The following DNAH1 variants were observed in gnomAD, a reference collection of about 807,000 sequenced individuals.
The protein encoded by DNAH1 is axonemal beta dynein heavy chain 1.
Under a neutral mutation model 484.3 loss-of-function variants are expected in DNAH1, and 327 were observed. That is an observed-to-expected ratio of 0.68 (90% CI 0.62 to 0.74). The LOEUF is 0.74. Among genes scored for constraint, DNAH1 ranks in the 30% least tolerant of loss-of-function variants. The probability of loss-of-function intolerance (pLI) is 0.00; values close to 1 mark genes in which losing one functional copy is unlikely to be tolerated. For synonymous variants in DNAH1, 2,192 were observed against 2,191.9 expected (o/e 1.00, Z 0.00); for missense variants, 5,052 against 5,546.8 (o/e 0.91, Z 2.83).
chr3:52,391,436 A>T lies in DNAH1; in HGVS notation c.9892-7A>T. 1 of 1,607,360 alleles carries T rather than the reference A, an allele frequency of 6.2e-7. No homozygotes were observed. Among genetic ancestry groups the T allele is most frequent in the Non-Finnish European group, 8.5e-7 (1 of 1,176,958 alleles). ...GCCACAGTACCCACCGGTCCCACCC[A>T]CCACAGACGTACAAGCAGCAGGGAA... is the stretch of plus-strand genomic sequence containing the variant. On this transcript the variant is annotated splice_polypyrimidine_tract_variant and splice_region_variant and intron_variant, in intron 62 of 77. Coordinates refer to ENST00000420323, the MANE Select transcript of DNAH1 (RefSeq NM_015512.5).
chr3:52,361,132 C>G lies in DNAH1; in HGVS notation c.4686-32C>G. On this transcript the variant is annotated intron_variant, in intron 28 of 77. Coordinates refer to ENST00000420323, the MANE Select transcript of DNAH1 (RefSeq NM_015512.5). The surrounding 1 kb of genome is among the most constrained non-coding windows in gnomAD (Gnocchi z 5.6). Reference sequence around the variant, plus strand: ...AAAGGGGGAGTGTCCAGGCCATGTGCGGCCCGAGCCCACCTCCTCTGTCTC... The same window carrying G: ...AAAGGGGGAGTGTCCAGGCCATGTGGGGCCCGAGCCCACCTCCTCTGTCTC... 1 of 1,497,176 alleles carries G rather than the reference C, an allele frequency of 6.7e-7. No individual in the cohort carries two copies. Among genetic ancestry groups the G allele is most frequent in the Non-Finnish European group, 8.9e-7 (1 of 1,124,166 alleles). The allele number at this position is 1,497,176 out of a possible 1,614,324, so 92.7% of individuals were successfully genotyped here. A position where few individuals can be genotyped will look rare whatever the true frequency, so the allele number is the denominator to read the frequency against.
chr3:52,399,395 C>A, intron 76 of DNAH1, 150 bp from the exon 77 acceptor site: 2 of 920,702 alleles, frequency 2.2e-6, no homozygotes, highest in Non-Finnish European at 3.3e-6. Flanking sequence ...GGGCAGGGCA[C>A]AGACCACAGG....
intron 34 of DNAH1, among the ~76,000 whole-genome samples, chr3:52,366,127 C>A (rs1559535352): frequency 6.6e-6 from 1 of 152,216 alleles, no homozygotes; most frequent in South Asian, 2.1e-4. Flanking sequence ...GGGTGGTGCT[C>A]TCAGCAGGCT....
chr3:52,394,330 G>A (rs1285238578), intron 66 of DNAH1, 135 bp from the exon 67 acceptor site: 3 of 845,030 alleles, frequency 3.6e-6, no homozygotes, highest in Admixed American at 2.7e-5. Context: ...ACCCAGACCT[G>A]TTTGACTACC....
Position 52,322,448 on chromosome 3 carries a change from G to A in DNAH1, c.6G>A (p.Glu2=), listed in dbSNP as rs747132091. The change falls in exon 2 of 78, where the codon GAG becomes GAA. Residue 2 remains glutamate, a synonymous_variant. Transcript: ENST00000420323. M[E]QPNSKGYSLG... is the part of the protein sequence containing the mutation. ...GCATCTCCCTGAGAAGCAGCATGGAGCAGCCTAACAGTAAAGGCTATAGCC... is the reference window on the plus strand; with the variant it reads ...GCATCTCCCTGAGAAGCAGCATGGAACAGCCTAACAGTAAAGGCTATAGCC... 8.7e-6 allele frequency: 14 copies of A among 1,606,286 alleles called. No homozygotes were observed. The Admixed American group carries it at 2.3e-4, about 26-fold the overall frequency.
Position 52,375,364 on chromosome 3 carries a change from C to T in DNAH1, c.7110C>T (p.Asp2370=), listed in dbSNP as rs762489221. 11 of 1,613,526 alleles carry T rather than the reference C, an allele frequency of 6.8e-6. No individual in the cohort carries two copies. The highest frequency in any genetic ancestry group is 3.3e-5 in the South Asian group (3 of 90,964). Residue 2370 remains aspartate, a synonymous_variant, in exon 45 of 78, where the codon GAC becomes GAT. Coordinates refer to ENST00000420323, the MANE Select transcript of DNAH1 (RefSeq NM_015512.5). ...ACTACCTGTCTTTCGCTGAGATGGA[C>T]GAGGTCAGCAAGAAACGCATCTTCT... ...HFNYLSFAEM[D]EVSKKRIFST...
chr3:52,351,958 C>G lies in DNAH1; in HGVS notation c.2730-4C>G. On this transcript the variant is annotated splice_polypyrimidine_tract_variant and splice_region_variant and intron_variant, in intron 16 of 77. Transcript: ENST00000420323. ...CTCCCAATCCCCACCCCCATCCCGG[C>G]CAGATGGATTGCCAGCAACTGGCCT... 1 of 1,600,082 alleles carries G rather than the reference C, an allele frequency of 6.2e-7. No homozygotes were observed. Among genetic ancestry groups the G allele is most frequent in the African/African-American group, 1.3e-5 (1 of 74,698 alleles).
intron 1 of DNAH1, among the ~76,000 whole-genome samples, chr3:52,317,094 T>C (rs1202928698): frequency 6.6e-6 from 1 of 152,254 alleles, no homozygotes; most frequent in African/African-American, 2.4e-5. Context: ...CTTACCTATA[T>C]GTATAATTTT....
chr3:52,395,183 C>T lies in DNAH1; in HGVS notation c.10968+124C>T. On this transcript the variant is annotated intron_variant, in intron 68 of 77. Coordinates refer to ENST00000420323, the MANE Select transcript of DNAH1 (RefSeq NM_015512.5). The surrounding 1 kb of genome is among the most constrained non-coding windows in gnomAD (Gnocchi z 4.4). ...AGGACCCCTGCTTGCTCCCTAAAGG[C>T]TCTGAGGTTCCAGCCCCCACCAGGA... 1 of 1,492,180 alleles carries T rather than the reference C, an allele frequency of 6.7e-7. No homozygotes were observed. The highest frequency in any genetic ancestry group is 2.5e-5 in the East Asian group (1 of 40,716). 92.4% of individuals were successfully genotyped at this position (1,492,180 alleles called of 1,614,324 possible). A position where few individuals can be genotyped will look rare whatever the true frequency, so the allele number is the denominator to read the frequency against.
Position 52,351,957 on chromosome 3 carries a change from G to A in DNAH1, c.2730-5G>A, listed in dbSNP as rs1453150511. ...TCTCCCAATCCCCACCCCCATCCCG[G>A]CCAGATGGATTGCCAGCAACTGGCC... On this transcript the variant is annotated splice_polypyrimidine_tract_variant and splice_region_variant and intron_variant, in intron 16 of 77. Coordinates refer to ENST00000420323, the MANE Select transcript of DNAH1 (RefSeq NM_015512.5). 9 of 1,599,488 alleles carry A rather than the reference G, an allele frequency of 5.6e-6. No homozygotes were observed. The highest frequency in any genetic ancestry group is 7.7e-6 in the Non-Finnish European group (9 of 1,173,464).
In DNAH1 at chr3:52,361,844, G is replaced by C; in HGVS notation, c.4980+78G>C. On this transcript the variant is annotated intron_variant, in intron 30 of 77. Transcript: ENST00000420323. The surrounding 1 kb of genome is among the most constrained non-coding windows in gnomAD (Gnocchi z 5.6). ...CATACTGCTCCCCATTGCAGGCTGA[G>C]AAGCCAGGCGCTAAGGTCCACCCTG... The C allele has an allele frequency of 6.9e-7, 1 of 1,450,938 alleles. No homozygotes were observed. The highest frequency in any genetic ancestry group is 1.3e-5 in the South Asian group (1 of 79,588). 89.9% of individuals were successfully genotyped at this position (1,450,938 alleles called of 1,614,324 possible).
At chr3:52,393,651 C>T (rs752791440) in intron 66 of DNAH1, among the ~76,000 whole-genome samples, 166 bp downstream of exon 66, 3 of 152,212 alleles carry the variant, frequency 2.0e-5, no homozygotes, top group Non-Finnish European at 4.4e-5. Flanking sequence ...GGCACGGTGA[C>T]TCATGCCTGC....
chr3:52,326,231 C>G lies in DNAH1; in HGVS notation c.498C>G (p.Phe166Leu). 6.2e-7 allele frequency: 1 copy of G among 1,613,194 alleles called. No homozygotes were observed. The highest frequency in any genetic ancestry group is 8.5e-7 in the Non-Finnish European group (1 of 1,179,690). Residue 166 changes from phenylalanine (F) to leucine (L), a missense_variant, in exon 4 of 78, where the codon TTC becomes TTG. Phe to Leu is a conservative substitution (Grantham distance 22, BLOSUM62 0). This residue lies in a region of DNAH1 where 1,263 missense variants were observed against 1,218.8 expected (regional missense o/e 1.04). Transcript: ENST00000420323. ...STTRLLAQTDFPLQAYEPKMQ... is the reference protein window; with the variant it reads ...STTRLLAQTDLPLQAYEPKMQ... ...CCCGGCTGCTCGCCCAGACTGACTTCCCACTGCAGGCCTACGAGCCCAAGA... is the reference window on the plus strand; with the variant it reads ...CCCGGCTGCTCGCCCAGACTGACTTGCCACTGCAGGCCTACGAGCCCAAGA...
At chr3:52,392,722 G>A in intron 64 of DNAH1, 33 bp downstream of exon 64, 6 of 1,562,500 alleles carry the variant, frequency 3.8e-6, no homozygotes, top group Non-Finnish European at 5.2e-6. Flanking sequence ...ACCTGCCCCG[G>A]GAGTGCCCCG....
At position 52,395,201 on chromosome 3, in the gene DNAH1, C is replaced by A. The variant is rs1165225538; in HGVS notation, c.10969-107C>A. 3.3e-6 allele frequency: 5 copies of A among 1,493,358 alleles called. No individual in the cohort carries two copies. Among genetic ancestry groups the A allele is most frequent in the Non-Finnish European group, 4.5e-6 (5 of 1,111,644 alleles). The allele number at this position is 1,493,358 out of a possible 1,614,324, so 92.5% of individuals were successfully genotyped here. A position where few individuals can be genotyped will look rare whatever the true frequency, so the allele number is the denominator to read the frequency against. The stretch of plus-strand genomic sequence containing the variant: ...CTAAAGGCTCTGAGGTTCCAGCCCC[C>A]ACCAGGAAGCCCACTGGGGACCACT... On this transcript the variant is annotated intron_variant, in intron 68 of 77. Coordinates refer to ENST00000420323, the MANE Select transcript of DNAH1 (RefSeq NM_015512.5). This position sits in a 1 kb window ranked among gnomAD's most constrained non-coding sequence, Gnocchi z 4.4.
rs189852410 is a variant in DNAH1 at position 52,349,971 on chromosome 3, G to T, written c.2527-18G>T. On this transcript the variant is annotated intron_variant, in intron 14 of 77. Transcript: ENST00000420323. ...GGAGCAGCATGCTGCCCTCCCCAGCGCCTCCTCCCACTGCCAGATCTGCGA... is the reference window on the plus strand; with the variant it reads ...GGAGCAGCATGCTGCCCTCCCCAGCTCCTCCTCCCACTGCCAGATCTGCGA... The T allele has an allele frequency of 1.9e-4, 303 of 1,595,806 alleles. 1 individual carries two copies. In the Admixed American group the frequency reaches 5.2e-3, roughly 27 times the overall value.
intron 1 of DNAH1, among the ~76,000 whole-genome samples, chr3:52,320,800 CTTTT>C (rs556409465): frequency 6.4e-5 from 8 of 125,052 alleles, no homozygotes; most frequent in Non-Finnish European, 8.2e-5. Flanking sequence ...TCTTTCTTTC[CTTTT>C]TTTTTTTTTT....
chr3:52,392,477 C>T lies in DNAH1; in HGVS notation c.10066C>T (p.Gln3356Ter). The change falls in exon 64 of 78, where the codon CAG becomes TAG. Residue 3356 changes from glutamine to a stop codon, truncating the protein, a stop_gained. Coordinates refer to ENST00000420323, the MANE Select transcript of DNAH1 (RefSeq NM_015512.5). LOFTEE classifies it high-confidence loss of function. ...TGCCCCCGGCAGTGGCCTAGAGGAC[C>T]AGCTACTGGGCCAGGTAGTGGCAGA... ...FTLSPSGLED[Q>*]LLGQVVAEER... The T allele has an allele frequency of 1.2e-6, 2 of 1,613,688 alleles. No individual in the cohort carries two copies. The highest frequency in any genetic ancestry group is 1.7e-6 in the Non-Finnish European group (2 of 1,179,878).
chr3:52,395,200 C>T lies in DNAH1; in HGVS notation c.10969-108C>T, dbSNP rs1704565451. On this transcript the variant is annotated intron_variant, in intron 68 of 77. Transcript: ENST00000420323. This position sits in a 1 kb window ranked among gnomAD's most constrained non-coding sequence, Gnocchi z 4.4. ...CCTAAAGGCTCTGAGGTTCCAGCCC[C>T]CACCAGGAAGCCCACTGGGGACCAC... is the stretch of plus-strand genomic sequence containing the variant. The T allele has an allele frequency of 6.7e-6, 10 of 1,494,068 alleles. No individual in the cohort carries two copies. Among genetic ancestry groups the T allele is most frequent in the Non-Finnish European group, 9.0e-6 (10 of 1,112,298 alleles). The allele number at this position is 1,494,068 out of a possible 1,614,324, so 92.6% of individuals were successfully genotyped here.
Sources: allele counts gnomAD v4.1 joint callset (sites outside exome capture counted in the v4.1 genomes callset), GRCh38; gene constraint gnomAD v4.1.1; regional missense constraint gnomAD v4.1.1; non-coding constraint Gnocchi (gnomAD v3.1); transcripts MANE v1.5; gene names NCBI Gene and HGNC (gene_info 2026-07-23, HGNC 2026-07-21).